The following CSMD2 variants were observed in gnomAD, a reference collection of about 807,000 sequenced individuals.
CSMD2 encodes the protein CUB and Sushi multiple domains 2.
CSMD2 carries 130 observed loss-of-function variants against 398.5 expected under a neutral mutation model. The ratio of observed to expected loss-of-function variants is 0.33; its 90% CI spans 0.28 to 0.38. The LOEUF is 0.38. CSMD2 is among the 10% of genes least tolerant of loss of function. The pLI is 1.00. For synonymous variants in CSMD2, 1,828 were observed against 1,908.5 expected (o/e 0.96, Z 1.10); for missense variants, 3,829 against 4,764.9 (o/e 0.80, Z 5.78).
At chr1:34,121,582 G>T (rs763638958) in intron 1 of CSMD2, among the ~76,000 whole-genome samples, 1 of 152,150 alleles carries the variant, frequency 6.6e-6, no homozygotes, top group Non-Finnish European at 1.5e-5. Context: ...TTGAAAACCT[G>T]CATTTCTAAT....
At chr1:33,955,046 A>T (rs1645121227) in intron 3 of CSMD2, among the ~76,000 whole-genome samples, 1 of 152,140 alleles carries the variant, frequency 6.6e-6, no homozygotes, top group African/African-American at 2.4e-5. Flanking sequence ...TTCATTTATC[A>T]CCCGTGGACC....
intron 25 of CSMD2, among the ~76,000 whole-genome samples, chr1:33,672,444 T>C (rs910803150): frequency 6.6e-6 from 1 of 151,984 alleles, no homozygotes; most frequent in Non-Finnish European, 1.5e-5. Flanking sequence ...CAGGCTTGAG[T>C]AGGTAAACAA....
In CSMD2 at chr1:33,559,372, T is replaced by C. The variant is rs759143953; in HGVS notation, c.8482A>G (p.Met2828Val). The C allele has an allele frequency of 4.0e-5, 61 of 1,535,994 alleles. No individual in the cohort carries two copies. Among genetic ancestry groups the C allele is most frequent in the Non-Finnish European group, 4.4e-6 (5 of 1,146,922 alleles). Residue 2828 changes from methionine to valine, a missense_variant, in exon 54 of 71, where the codon ATG (methionine) becomes GTG (valine). Met to Val is a conservative substitution (Grantham distance 21, BLOSUM62 1). Around this residue, in one of 5 missense-constraint regions of CSMD2, gnomAD observed 917 missense variants for 1,199.5 expected, o/e 0.76. Transcript: ENST00000373381. The surrounding 1 kb of genome is among the most constrained non-coding windows in gnomAD (Gnocchi z 4.0). ...TGGGACCTAGCAGCCCCCTCAGCCA[T>C]ATACCCAGGGTTGCAAACAAACTTG... ...VVKFVCNPGY[M>V]AEGAARSQCL...
intron 4 of CSMD2, among the ~76,000 whole-genome samples, chr1:33,923,248 T>C (rs1207933800): frequency 1.3e-5 from 2 of 152,120 alleles, no homozygotes; most frequent in African/African-American, 2.4e-5. Context: ...GTGTGGGTCA[T>C]GGGGATGGAT....
Position 33,636,229 on chromosome 1 carries a change from C to T in CSMD2, c.4969+131G>A. ...CACTTCTATACACATCCACGGCAAA[C>T]CCAGGTTTGCCAGGCTTGGAGGAGC... is the stretch of plus-strand genomic sequence containing the variant. On this transcript the variant is annotated intron_variant, in intron 30 of 70. Transcript: ENST00000373381. The surrounding 1 kb of genome is among the most constrained non-coding windows in gnomAD (Gnocchi z 4.8). 1 of 832,342 alleles carries T rather than the reference C, an allele frequency of 1.2e-6. No homozygotes were observed. The highest frequency in any genetic ancestry group is 1.9e-6 in the Non-Finnish European group (1 of 538,818). 51.6% of individuals were successfully genotyped at this position (832,342 alleles called of 1,614,324 possible).
chr1:33,744,838 T>C (rs1315088503), intron 13 of CSMD2, among the ~76,000 whole-genome samples: 1 of 152,178 alleles, frequency 6.6e-6, no homozygotes, highest in Admixed American at 6.5e-5. Flanking sequence ...TGAGGCTTCA[T>C]GGAATCTCAT....
At chr1:33,827,473 T>G (rs7519344) in intron 6 of CSMD2, among the ~76,000 whole-genome samples, 2 of 152,058 alleles carry the variant, frequency 1.3e-5, no homozygotes, top group Admixed American at 1.3e-4. Context: ...CTTAAGTGTT[T>G]GTGCAAACAC....
chr1:34,143,033 C>T (rs1639448164), intron 1 of CSMD2, among the ~76,000 whole-genome samples: 1 of 152,172 alleles, frequency 6.6e-6, no homozygotes, highest in Admixed American at 6.5e-5. Flanking sequence ...CAGCTCCATC[C>T]TTTACCTGCT....
chr1:34,165,821 A>G (rs752722768), upstream of CSMD2: 1 of 1,586,678 alleles, frequency 6.3e-7, no homozygotes, highest in South Asian at 1.1e-5. Flanking sequence ...CATTCACAAT[A>G]GCCTCCTACC....
At chr1:33,585,200 G>A (rs1413692411) in intron 46 of CSMD2, among the ~76,000 whole-genome samples, 1 of 152,214 alleles carries the variant, frequency 6.6e-6, no homozygotes, top group African/African-American at 2.4e-5. Flanking sequence ...CAGTAGATGT[G>A]CCTTTAGACA....
intron 3 of CSMD2, among the ~76,000 whole-genome samples, chr1:34,015,813 A>G (rs1353733587): frequency 2.0e-5 from 3 of 152,150 alleles, no homozygotes; most frequent in Non-Finnish European, 4.4e-5. Context: ...TTTGTCATGG[A>G]TTTTAGAAAG....
chr1:33,821,371 G>A (rs995687114), intron 7 of CSMD2, among the ~76,000 whole-genome samples: 1 of 152,200 alleles, frequency 6.6e-6, no homozygotes, highest in Admixed American at 6.5e-5. Flanking sequence ...GTTCCTTTTC[G>A]TCGGGATGCT....
chr1:34,050,108 A>G (rs1653004145), intron 2 of CSMD2, among the ~76,000 whole-genome samples: 1 of 152,206 alleles, frequency 6.6e-6, no homozygotes, highest in Non-Finnish European at 1.5e-5. Flanking sequence ...TCTACTGTTT[A>G]AGCCACCCAG....
At chr1:33,829,341 A>AT (rs199727814) in intron 6 of CSMD2, among the ~76,000 whole-genome samples, 20 of 151,556 alleles carry the variant, frequency 1.3e-4, no homozygotes, top group Non-Finnish European at 2.4e-4. Flanking sequence ...GAACATTAGC[A>AT]TTTTTTTTTA....
At chr1:33,669,802 G>A (rs1277199477) in intron 25 of CSMD2, among the ~76,000 whole-genome samples, 1 of 152,170 alleles carries the variant, frequency 6.6e-6, no homozygotes, top group East Asian at 1.9e-4. Context: ...AGAAAAGAGA[G>A]GGAGATTTGG....
chr1:33,767,705 T>A (rs554212284), intron 13 of CSMD2, among the ~76,000 whole-genome samples: 20 of 152,364 alleles, frequency 1.3e-4, no homozygotes, highest in Non-Finnish European at 2.6e-4. Context: ...GTTGGGGGTA[T>A]ACAATATTGA....
intron 21 of CSMD2, among the ~76,000 whole-genome samples, chr1:33,710,099 T>C (rs974715353): frequency 6.6e-6 from 1 of 152,218 alleles, no homozygotes; most frequent in Non-Finnish European, 1.5e-5. Context: ...AACATTTCTA[T>C]GTCCTCTACT....
chr1:34,001,725 T>C (rs193047414), intron 3 of CSMD2, among the ~76,000 whole-genome samples: 3 of 152,108 alleles, frequency 2.0e-5, no homozygotes, highest in Non-Finnish European at 4.4e-5. Context: ...TCCTATTAAA[T>C]ATGGAACTAA....
At position 34,163,279 on chromosome 1, in the gene CSMD2, T is replaced by A. The variant is rs1234240775; in HGVS notation, c.187+1632A>T. Among the ~76,000 whole-genome samples the A allele has an allele frequency of 1.3e-5, 2 of 152,174 alleles. No individual in the cohort carries two copies. Among genetic ancestry groups the A allele is most frequent in the Non-Finnish European group, 2.9e-5 (2 of 68,038 alleles). ...AAGTCTGGGTGACCAGCAGCGTCGGTATGCACAGCCTCCCAGTGGGTGTGG... is the reference window on the plus strand; with the variant it reads ...AAGTCTGGGTGACCAGCAGCGTCGGAATGCACAGCCTCCCAGTGGGTGTGG... On this transcript the variant is annotated intron_variant, in intron 1 of 70. Transcript: ENST00000373381. This position sits in a 1 kb window ranked among gnomAD's most constrained non-coding sequence, Gnocchi z 5.4.
Sources: gnomAD v4.1 joint callset for allele counts (sites outside exome capture counted in the v4.1 genomes callset) on GRCh38, gnomAD v4.1.1 for gene constraint, gnomAD v4.1.1 regional missense constraint, Gnocchi (gnomAD v3.1) non-coding constraint, MANE v1.5 for transcripts, NCBI Gene and HGNC (gene_info 2026-07-23, HGNC 2026-07-21) for gene names.